FBXL4: variants seen among roughly 807,000 people sequenced by gnomAD.
FBXL4 encodes F-box and leucine rich repeat protein 4.
FBXL4 carries 40 observed loss-of-function variants against 58.9 expected under a neutral mutation model. The observed-to-expected ratio is 0.68, with a 90% CI of 0.53 to 0.88. FBXL4 has a LOEUF of 0.88. FBXL4 is among the 40% of genes least tolerant of loss of function. The probability of loss-of-function intolerance (pLI) is 0.00; values close to 1 mark genes in which losing one functional copy is unlikely to be tolerated. For synonymous variants in FBXL4, 263 were observed against 265.5 expected, an observed-to-expected ratio of 0.99 and a Z score of 0.09; for missense variants, 676 against 734.4, an observed-to-expected ratio of 0.92 and a Z score of 0.92.
intron 1 of FBXL4, among the ~76,000 whole-genome samples, chr6:98,946,532 C>T (rs1406270654): frequency 6.6e-6 from 1 of 152,040 alleles, no homozygotes; most frequent in Non-Finnish European, 1.5e-5. Context: ...GTTAACTGAC[C>T]ATATGTGCAA....
chr6:98,880,447 A>G, intron 8 of FBXL4, 106 bp downstream of exon 8: 1 of 856,454 alleles, frequency 1.2e-6, no homozygotes, highest in Non-Finnish European at 1.9e-6. Context: ...ATAAATCTGA[A>G]AAACTGTGGG....
At position 98,881,560 on chromosome 6, in the gene FBXL4, T is replaced by C. The variant is rs370008531; in HGVS notation, c.1318-936A>G. Among the ~76,000 whole-genome samples the C allele has an allele frequency of 3.9e-5, 6 of 152,214 alleles. No individual in the cohort carries two copies. In the South Asian group the frequency reaches 1.2e-3, roughly 32 times the overall value. ...TATCAGTTGAGGGAAAGGTGAAGAA[T>C]GTGTCAATGAAAATGTAAAACATTT... On this transcript the variant is annotated intron_variant, in intron 7 of 9. Transcript: ENST00000369244.
chr6:98,913,482 A>G (rs1772188697), intron 5 of FBXL4, among the ~76,000 whole-genome samples: 1 of 152,360 alleles, frequency 6.6e-6, no homozygotes, highest in East Asian at 1.9e-4. Flanking sequence ...ACCACAGTGC[A>G]ATCAAACTAG....
intron 5 of FBXL4, among the ~76,000 whole-genome samples, chr6:98,908,700 G>T (rs1460455319): frequency 3.3e-5 from 5 of 151,782 alleles, no homozygotes. Context: ...AGGAAGAAAA[G>T]ATATAAAACT....
chr6:98,879,642 G>C (rs984804925), intron 8 of FBXL4, among the ~76,000 whole-genome samples: 1 of 152,046 alleles, frequency 6.6e-6, no homozygotes. Context: ...CGGCAATTTG[G>C]GAGGCCGAGG....
In FBXL4 at chr6:98,912,069, G is replaced by T. The variant is rs1017560281; in HGVS notation, c.858+5305C>A. ...GCCCATGCAATCAACTGGAAGAAAG[G>T]TTATCAGTGATGGAAGATGAAATGA... is the stretch of plus-strand genomic sequence containing the variant. On this transcript the variant is annotated intron_variant, in intron 5 of 9. Transcript: ENST00000369244. Among the ~76,000 whole-genome samples, 4 of 152,298 alleles carry T rather than the reference G, an allele frequency of 2.6e-5. No homozygotes were observed. The East Asian group carries it at 7.7e-4, about 29-fold the overall frequency.
chr6:98,903,422 T>C lies in FBXL4; in HGVS notation c.1103+2004A>G, dbSNP rs773170685. 7.9e-4 allele frequency among the ~76,000 whole-genome samples: 120 copies of C among 152,114 alleles called. 1 individual carries two copies. The highest frequency in any genetic ancestry group is 2.4e-4 in the Non-Finnish European group (16 of 67,986). On this transcript the variant is annotated intron_variant, in intron 6 of 9. Coordinates refer to ENST00000369244, the MANE Select transcript of FBXL4 (RefSeq NM_001278716.2). ...AGTGACTACACTTAAAGGAATGCCA[T>C]CAAGATTTATGATTTTACTGGCTGA...
chr6:98,896,745 AAATTTT>A, intron 7 of FBXL4: 1 of 923,474 alleles, frequency 1.1e-6, no homozygotes, highest in Non-Finnish European at 1.3e-6. Context: ...GGTACAACCT[AAATTTT>A]ATTTAATATA....
chr6:98,893,781 A>G lies in FBXL4; in HGVS notation c.1317+5487T>C, dbSNP rs2388751. ...ATAGTAGGGGAACCTGGGTGAAAAT[A>G]CATAAGAAATCATTTTTTTTTTCAA... is the stretch of plus-strand genomic sequence containing the variant. On this transcript the variant is annotated intron_variant, in intron 7 of 9. Coordinates refer to ENST00000369244, the MANE Select transcript of FBXL4 (RefSeq NM_001278716.2). Among the ~76,000 whole-genome samples the G allele has an allele frequency of 6.8e-3, 971 of 143,746 alleles. 11 individuals carry two copies. Among genetic ancestry groups the G allele is most frequent in the African/African-American group, 0.024 (930 of 38,480 alleles). The allele number at this position is 143,746 out of a possible 152,430, so 94.3% of individuals were successfully genotyped here. A position where few individuals can be genotyped will look rare whatever the true frequency, so the allele number is the denominator to read the frequency against.
chr6:98,897,413 G>A (rs190233354), intron 7 of FBXL4: 1 of 904,990 alleles, frequency 1.1e-6, no homozygotes, highest in Admixed American at 6.2e-5. Context: ...TAAAAAATCT[G>A]GAAATCTGAG....
At chr6:98,933,800 T>C (rs376201852) in intron 2 of FBXL4, among the ~76,000 whole-genome samples, 5 of 152,042 alleles carry the variant, frequency 3.3e-5, no homozygotes, top group African/African-American at 9.7e-5. Flanking sequence ...CATAAGAGAA[T>C]TAAAATGAAT....
intron 4 of FBXL4, among the ~76,000 whole-genome samples, chr6:98,924,767 G>C (rs903633254): frequency 6.6e-6 from 1 of 152,198 alleles, no homozygotes; most frequent in Non-Finnish European, 1.5e-5. Context: ...GGCAGGCCCT[G>C]GAAGTATTCC....
chr6:98,883,314 G>A (rs1379351823), intron 7 of FBXL4, among the ~76,000 whole-genome samples: 2 of 151,820 alleles, frequency 1.3e-5, no homozygotes, highest in Non-Finnish European at 2.9e-5. Context: ...CTTTATTCAT[G>A]CTGGATACCA....
chr6:98,925,339 G>A (rs767774159), intron 4 of FBXL4, among the ~76,000 whole-genome samples: 3 of 151,740 alleles, frequency 2.0e-5, no homozygotes, highest in African/African-American at 4.8e-5. Context: ...GAGAAATTTG[G>A]CATTACATAT....
intron 9 of FBXL4, chr6:98,875,146 C>A: frequency 2.3e-6 from 1 of 429,304 alleles, no homozygotes; most frequent in South Asian, 2.6e-5. Context: ...AATTCTCACT[C>A]TTACAAGTAG....
chr6:98,935,110 C>T (rs1209179247), intron 1 of FBXL4, among the ~76,000 whole-genome samples: 1 of 152,084 alleles, frequency 6.6e-6, no homozygotes, highest in Non-Finnish European at 1.5e-5. Context: ...GATTTAGAAC[C>T]AATTTAAACT....
chr6:98,913,110 T>C (rs931227184), intron 5 of FBXL4, among the ~76,000 whole-genome samples: 1 of 152,246 alleles, frequency 6.6e-6, no homozygotes, highest in African/African-American at 2.4e-5. Flanking sequence ...AGGGATCAAT[T>C]CAACAAGAAG....
Position 98,926,639 on chromosome 6 carries a change from G to A in FBXL4, c.350C>T (p.Thr117Met), listed in dbSNP as rs763115531. 9 of 1,613,984 alleles carry A rather than the reference G, an allele frequency of 5.6e-6. No individual in the cohort carries two copies. The highest frequency in any genetic ancestry group is 2.2e-5 in the South Asian group (2 of 91,074). ...GTCCTGGCTCTGAAAATTAGGTGGC[G>A]TCCTCTTGAATGGCAAGGAAGCACT... The part of the protein sequence containing the change: ...CPSASLPFKR[T>M]PPNFQSQDYV... Residue 117 changes from threonine (T) to methionine (M), a missense_variant, in exon 4 of 10, where the codon ACG becomes ATG. By Grantham distance (81) the Thr-to-Met change is moderately conservative. Transcript: ENST00000369244.
chr6:98,912,301 A>G (rs534365227), intron 5 of FBXL4, among the ~76,000 whole-genome samples: 20 of 152,328 alleles, frequency 1.3e-4, no homozygotes, highest in African/African-American at 4.6e-4. Flanking sequence ...GCAGGCCAAC[A>G]TTCAGATTCA....
Sources: gnomAD v4.1 joint callset for allele counts (sites outside exome capture counted in the v4.1 genomes callset) on GRCh38, gnomAD v4.1.1 for gene constraint, MANE v1.5 for transcripts, NCBI Gene and HGNC (gene_info 2026-07-23, HGNC 2026-07-21) for gene names.